RFWD3: variants seen among roughly 807,000 people sequenced by gnomAD.
RFWD3 encodes the protein ring finger and WD repeat domain 3, also known as E3 ubiquitin-protein ligase RFWD3.
Under a neutral mutation model 87.7 loss-of-function variants are expected in RFWD3, and 65 were observed. The ratio of observed to expected loss-of-function variants is 0.74; its 90% CI spans 0.61 to 0.91. The LOEUF (loss-of-function observed/expected upper bound fraction) is 0.91, where lower values mean the gene tolerates loss of function less well. Among genes scored for constraint, RFWD3 ranks in the 40% least tolerant of loss-of-function variants. The pLI is 0.00. For missense variants in RFWD3, 1,078 were observed against 938.5 expected (o/e 1.15, Z -1.94); for synonymous variants, 433 against 352.8 (o/e 1.23, Z -2.55).
intron 1 of RFWD3, among the ~76,000 whole-genome samples, chr16:74,663,246 C>T (rs1237873398): frequency 2.6e-5 from 4 of 152,106 alleles, no homozygotes; most frequent in Non-Finnish European, 4.4e-5. Flanking sequence ...ATTAAACCAC[C>T]TGAGGAACAG....
rs570050535 is a variant in RFWD3 at position 74,626,541 on chromosome 16, G to C, written c.1983C>G (p.Thr661=). 3 of 1,613,954 alleles carry C rather than the reference G, an allele frequency of 1.9e-6. No individual in the cohort carries two copies. Among genetic ancestry groups the C allele is most frequent in the Admixed American group, 3.3e-5 (2 of 60,018 alleles). Residue 661 remains threonine (T), a synonymous_variant, in exon 12 of 13, where the codon ACC becomes ACG. Coordinates refer to ENST00000361070, the MANE Select transcript of RFWD3 (RefSeq NM_018124.4). ...TTTCCATCAGCACACTTCGTATGGT[G>C]GTGTGATTTTTATCTATGGGACAGA... ...LVTYRPDKNH[T]TIRSVLMEMS...
Position 74,652,122 on chromosome 16 carries a change from C to A in RFWD3, c.519G>T (p.Arg173Ser). The A allele has an allele frequency of 1.2e-6, 2 of 1,613,532 alleles. No homozygotes were observed. Among genetic ancestry groups the A allele is most frequent in the Non-Finnish European group, 1.7e-6 (2 of 1,179,656 alleles). ...AGTAAGCATCCAATGGTGCTCTCAA[C>A]CTATGTACACAGAAAGACAACGGAA... ...AGGSQRTDSA[R>S]LRAPLDAYFQ... The change falls in exon 3 of 13, where the codon AGG becomes AGT. Residue 173 changes from arginine to serine, a missense_variant and splice_region_variant. Arg to Ser is a moderately radical substitution (Grantham distance 110). Transcript: ENST00000361070.
chr16:74,622,583 T>C lies in RFWD3; in HGVS notation c.*1345A>G, dbSNP rs1250055597. 2.6e-5 allele frequency: 4 copies of C among 152,250 alleles called. No homozygotes were observed. Among genetic ancestry groups the C allele is most frequent in the Admixed American group, 2.6e-4 (4 of 15,286 alleles). The allele number at this position is 152,250 out of a possible 1,614,324, so 9.4% of individuals were successfully genotyped here. On this transcript the variant is annotated 3_prime_UTR_variant, in exon 13 of 13. Transcript: ENST00000361070. ...AACAACCCCTTGCCGGAGAGAAAGA[T>C]CCTAGAAACAGCTCTTGAATTGACA...
At chr16:74,642,793 T>C (rs1359829184) in intron 6 of RFWD3, among the ~76,000 whole-genome samples, 1 of 152,152 alleles carries the variant, frequency 6.6e-6, no homozygotes, top group Non-Finnish European at 1.5e-5. Context: ...ACACCCAGCC[T>C]ATTTATTTTC....
intron 6 of RFWD3, 67 bp from the exon 7 acceptor site, chr16:74,638,037 CAG>C (rs761219849): frequency 1.5e-5 from 15 of 1,021,282 alleles, no homozygotes; most frequent in Non-Finnish European, 1.8e-5. Flanking sequence ...ATCCAGGTGG[CAG>C]AGTTAAGTTC....
intron 3 of RFWD3, among the ~76,000 whole-genome samples, chr16:74,650,426 G>C (rs1960475253): frequency 6.6e-6 from 1 of 151,280 alleles, no homozygotes; most frequent in Admixed American, 6.6e-5. Flanking sequence ...AGTGGCATGA[G>C]TATTTCTGAT....
intron 2 of RFWD3, among the ~76,000 whole-genome samples, chr16:74,655,715 G>C (rs981145547): frequency 7.0e-6 from 1 of 142,106 alleles, no homozygotes; most frequent in Non-Finnish European, 1.5e-5. Context: ...AGTGGAGACG[G>C]GGTTTCACCG....
intron 2 of RFWD3, among the ~76,000 whole-genome samples, chr16:74,658,504 T>C (rs1297921416): frequency 1.3e-5 from 2 of 152,148 alleles, no homozygotes; most frequent in Admixed American, 6.6e-5. Flanking sequence ...GATGAGTAAA[T>C]GTCAAACACC....
chr16:74,645,257 C>A (rs1461015489), intron 4 of RFWD3, among the ~76,000 whole-genome samples: 1 of 152,190 alleles, frequency 6.6e-6, no homozygotes, highest in Non-Finnish European at 1.5e-5. Flanking sequence ...TAAAGTGGCA[C>A]ACATTTCTGG....
At chr16:74,665,237 T>C (rs1961786690) in intron 1 of RFWD3, 1 of 152,444 alleles carries the variant, frequency 6.6e-6, no homozygotes, top group African/African-American at 2.4e-5. Context: ...ACTTACGCTC[T>C]GGTGTTCCAG....
rs1597406238 is a variant in RFWD3, at chr16:74,626,477, A to G, written c.2047T>C (p.Ser683Pro). 1 of 1,614,142 alleles carries G rather than the reference A, an allele frequency of 6.2e-7. No individual in the cohort carries two copies. Among genetic ancestry groups the G allele is most frequent in the Non-Finnish European group, 8.5e-7 (1 of 1,180,010 alleles). Residue 683 changes from serine to proline, a missense_variant, in exon 12 of 13, where the codon TCC (serine) becomes CCC (proline). Physicochemically the swap from Ser to Pro is moderately conservative, Grantham distance 74 (BLOSUM62 -1). Coordinates refer to ENST00000361070, the MANE Select transcript of RFWD3 (RefSeq NM_018124.4). ...RLDDTGNPIC[S>P]CQPVHTFFGG... ...AAAAATGTATGTACAGGCTGGCAGG[A>G]GCAGATTGGATTTCCAGTGTCATCC...
intron 4 of RFWD3, 27 bp downstream of exon 4, chr16:74,649,105 A>T (rs1000281965): frequency 1.4e-6 from 2 of 1,472,354 alleles, no homozygotes; most frequent in African/African-American, 2.9e-5. Flanking sequence ...AAATAAATAG[A>T]TTTTTTTAAA....
chr16:74,624,114 A>T, intron 12 of RFWD3, 43 bp from the exon 13 acceptor site: 1 of 1,589,528 alleles, frequency 6.3e-7, no homozygotes, highest in Non-Finnish European at 8.6e-7. Context: ...GTCAGTCAGT[A>T]CACGAAGGGA....
chr16:74,630,903 G>A lies in RFWD3; in HGVS notation c.1632C>T (p.Ser544=). The change falls in exon 10 of 13, where the codon AGC becomes AGT. Residue 544 remains serine, a synonymous_variant. Coordinates refer to ENST00000361070, the MANE Select transcript of RFWD3 (RefSeq NM_018124.4). The part of the protein sequence containing the change: ...QTYNAGRPVW[S]CCWCLDEANY... ...TAGCCTCATCAAGACACCAGCAACA[G>A]CTCCAGACAGGACGTCCAGCATTAT... The A allele has an allele frequency of 6.2e-7, 1 of 1,614,048 alleles. No individual in the cohort carries two copies. The highest frequency in any genetic ancestry group is 1.7e-5 in the Admixed American group (1 of 60,012).
Position 74,636,444 on chromosome 16 carries a change from G to C in RFWD3, c.1328C>G (p.Thr443Arg). 6.2e-7 allele frequency: 1 copy of C among 1,614,154 alleles called. No individual in the cohort carries two copies. The highest frequency in any genetic ancestry group is 8.5e-7 in the Non-Finnish European group (1 of 1,180,028). ...KHKYHFQKTF[T>R]VSQAGNCRIM... ...CCGGCAGTTTCCTGCCTGAGATACT[G>C]TGAAGGTCTTTTGGAAGTGGTACTT... is the stretch of plus-strand genomic sequence containing the variant. The change falls in exon 8 of 13, where the codon ACA (threonine) becomes AGA (arginine). Residue 443 changes from threonine (T) to arginine (R), a missense_variant. Coordinates refer to ENST00000361070, the MANE Select transcript of RFWD3 (RefSeq NM_018124.4).
intron 2 of RFWD3, among the ~76,000 whole-genome samples, chr16:74,653,214 CTGTAGTTCCAGCTACT>C (rs1259513193): frequency 1.3e-5 from 2 of 152,120 alleles, no homozygotes; most frequent in African/African-American, 4.8e-5. Context: ...TGGTGTGCTC[CTGTAGTTCCAGCTACT>C]TGGGAGGCCA....
At position 74,630,898 on chromosome 16, in the gene RFWD3, C is replaced by T; in HGVS notation, c.1637G>A (p.Cys546Tyr). Residue 546 changes from cysteine to tyrosine, a missense_variant, in exon 10 of 13, where the codon TGC (cysteine) becomes TAC (tyrosine). Transcript: ENST00000361070. Reference protein sequence around the residue: ...YNAGRPVWSCCWCLDEANYIY... With the variant: ...YNAGRPVWSCYWCLDEANYIY... ...GTAGTTAGCCTCATCAAGACACCAG[C>T]AACAGCTCCAGACAGGACGTCCAGC... is the stretch of plus-strand genomic sequence containing the variant. 1 of 1,614,064 alleles carries T rather than the reference C, an allele frequency of 6.2e-7. No individual in the cohort carries two copies. The highest frequency in any genetic ancestry group is 1.3e-5 in the African/African-American group (1 of 75,040).
chr16:74,628,799 C>A, intron 10 of RFWD3, 133 bp from the exon 11 acceptor site: 1 of 692,114 alleles, frequency 1.4e-6, no homozygotes, highest in Non-Finnish European at 2.4e-6. Flanking sequence ...CCTCTGATAT[C>A]TGATAAAAAT....
intron 2 of RFWD3, among the ~76,000 whole-genome samples, chr16:74,654,766 A>C (rs985131551): frequency 6.6e-6 from 1 of 152,182 alleles, no homozygotes; most frequent in African/African-American, 2.4e-5. Flanking sequence ...GCGCTACAAC[A>C]GCGAATACAT....
Sources: gnomAD v4.1 joint callset for allele counts (sites outside exome capture counted in the v4.1 genomes callset) on GRCh38, gnomAD v4.1.1 for gene constraint, MANE v1.5 for transcripts, NCBI Gene and HGNC (gene_info 2026-07-23, HGNC 2026-07-21) for gene names.